Variants in SPOCK3 observed in about 807,000 individuals in gnomAD.
The protein encoded by SPOCK3 is SPARC (osteonectin), cwcv and kazal like domains proteoglycan 3, also known as testican-3.
In SPOCK3, 30 loss-of-function variants were observed where a neutral mutation model predicts 56.6. The ratio of observed to expected loss-of-function variants is 0.53; its 90% CI spans 0.40 to 0.72. SPOCK3 has a LOEUF of 0.72. Ranked by LOEUF, SPOCK3 falls within the 30% of genes least tolerant of loss-of-function variation. SPOCK3 has a pLI of 0.00. For missense variants in SPOCK3, 527 were observed against 530.0 expected (o/e 0.99, Z 0.06); for synonymous variants, 196 against 183.3 (o/e 1.07, Z -0.56).
At position 166,964,888 on chromosome 4, in the gene SPOCK3, A is replaced by T. The variant is rs554651303; in HGVS notation, c.350+35461T>A. ...ATATATATTAACTAAAAATAATTTG[A>T]ATGCTATTATTTTGTGACTCCATGC... On this transcript the variant is annotated intron_variant, in intron 4 of 10. Transcript: ENST00000357545. Among the ~76,000 whole-genome samples, 6 of 151,954 alleles carry T rather than the reference A, an allele frequency of 3.9e-5. No individual in the cohort carries two copies. In the East Asian group the frequency reaches 9.6e-4, roughly 24 times the overall value.
intron 2 of SPOCK3, among the ~76,000 whole-genome samples, chr4:167,063,118 A>G (rs1238871475): frequency 2.6e-5 from 4 of 151,890 alleles, no homozygotes; most frequent in African/African-American, 9.7e-5. Flanking sequence ...GAGGTTGAAA[A>G]GAATGCACAC....
upstream of SPOCK3, chr4:167,234,536 C>G (rs1737533657): frequency 3.8e-6 from 1 of 263,154 alleles, no homozygotes; most frequent in South Asian, 9.6e-5. Context: ...AGCTGCTGCA[C>G]GCGCCGCCGT....
chr4:167,212,529 C>T (rs967826984), intron 2 of SPOCK3, among the ~76,000 whole-genome samples: 12 of 152,214 alleles, frequency 7.9e-5, no homozygotes, highest in Admixed American at 7.2e-4. Flanking sequence ...GCGGGAGCCA[C>T]GGCGCCCAGC....
chr4:167,196,364 C>T (rs1732951567), intron 2 of SPOCK3, among the ~76,000 whole-genome samples: 1 of 152,130 alleles, frequency 6.6e-6, no homozygotes, highest in Non-Finnish European at 1.5e-5. Flanking sequence ...ACATTATCCA[C>T]AAATATAAGA....
chr4:166,886,613 T>C (rs1418292212), intron 6 of SPOCK3, among the ~76,000 whole-genome samples: 2 of 152,282 alleles, frequency 1.3e-5, no homozygotes, highest in East Asian at 3.9e-4. Context: ...TTTTAATGCA[T>C]TTCAAGTAGA....
intron 6 of SPOCK3, among the ~76,000 whole-genome samples, chr4:166,802,188 C>T (rs904054330): frequency 6.6e-6 from 1 of 150,998 alleles, no homozygotes; most frequent in Admixed American, 6.6e-5. Context: ...GTAAATGATG[C>T]TGAATGCTTG....
At chr4:167,015,504 A>C (rs998429190) in intron 3 of SPOCK3, among the ~76,000 whole-genome samples, 1 of 152,166 alleles carries the variant, frequency 6.6e-6, no homozygotes, top group Non-Finnish European at 1.5e-5. Flanking sequence ...CAGAAGATTG[A>C]TGTTGCTTAA....
intron 2 of SPOCK3, among the ~76,000 whole-genome samples, chr4:167,143,385 T>G (rs1580421751): frequency 2.0e-5 from 3 of 152,144 alleles, no homozygotes; most frequent in South Asian, 4.1e-4. Context: ...ATTTGTCACC[T>G]ATCTCCAAGT....
rs1765453047 is a variant in SPOCK3, at chr4:167,163,048, T to G, written c.189+70937A>C. Among the ~76,000 whole-genome samples the G allele has an allele frequency of 2.6e-5, 4 of 151,914 alleles. No homozygotes were observed. The South Asian group carries it at 8.3e-4, about 31-fold the overall frequency. Reference sequence around the variant, plus strand: ...ACACATATTTGATACTAAAACCTGTTTGAATTATATTAAAGTGTTATTTAA... The same window carrying G: ...ACACATATTTGATACTAAAACCTGTGTGAATTATATTAAAGTGTTATTTAA... On this transcript the variant is annotated intron_variant, in intron 2 of 10. Coordinates refer to ENST00000357545, the MANE Select transcript of SPOCK3 (RefSeq NM_001040159.2).
chr4:167,001,358 A>G (rs1468027628), intron 3 of SPOCK3, among the ~76,000 whole-genome samples: 2 of 152,170 alleles, frequency 1.3e-5, no homozygotes, highest in Non-Finnish European at 2.9e-5. Flanking sequence ...TATTCTGGAC[A>G]TTTTATATAA....
chr4:166,877,721 A>G (rs546486056), intron 6 of SPOCK3, among the ~76,000 whole-genome samples: 105 of 152,298 alleles, frequency 6.9e-4, no homozygotes, highest in African/African-American at 2.4e-3. Context: ...TGGGAAAAAT[A>G]TATTAAAATT....
At chr4:166,922,279 C>T (rs1738583672) in intron 4 of SPOCK3, among the ~76,000 whole-genome samples, 1 of 152,122 alleles carries the variant, frequency 6.6e-6, no homozygotes. Context: ...GGGATAGAAT[C>T]ATTACATTCA....
intron 2 of SPOCK3, among the ~76,000 whole-genome samples, chr4:167,202,913 T>G: frequency 6.6e-6 from 1 of 152,062 alleles, no homozygotes; most frequent in Middle Eastern, 3.4e-3. Context: ...TCTCTCCACT[T>G]AAGCATTCTT....
rs191010255 is a variant in SPOCK3 at position 167,091,839 on chromosome 4, A to C, written c.190-29302T>G. Among the ~76,000 whole-genome samples the C allele has an allele frequency of 2.0e-5, 3 of 152,254 alleles. No homozygotes were observed. In the East Asian group the frequency reaches 5.8e-4, roughly 29 times the overall value. ...TAATTTATAATCTATATTTTTGCCAAATAATATTCAAAATGAAATTATGTA... is the reference window on the plus strand; with the variant it reads ...TAATTTATAATCTATATTTTTGCCACATAATATTCAAAATGAAATTATGTA... On this transcript the variant is annotated intron_variant, in intron 2 of 10. Transcript: ENST00000357545.
chr4:166,933,591 C>T (rs553845428), intron 4 of SPOCK3, among the ~76,000 whole-genome samples: 110 of 152,216 alleles, frequency 7.2e-4, no homozygotes, highest in Non-Finnish European at 1.3e-3. Context: ...GGAGACAATT[C>T]ATGTGAATCT....
intron 5 of SPOCK3, among the ~76,000 whole-genome samples, chr4:166,910,282 T>C (rs1341222379): frequency 6.6e-6 from 1 of 152,148 alleles, no homozygotes; most frequent in Non-Finnish European, 1.5e-5. Context: ...AGCATGCTTT[T>C]TGTAATGTCT....
intron 6 of SPOCK3, among the ~76,000 whole-genome samples, chr4:166,872,278 A>G (rs1441957328): frequency 6.6e-6 from 1 of 152,128 alleles, no homozygotes; most frequent in Non-Finnish European, 1.5e-5. Context: ...AAATAAAATT[A>G]TCTTTATTCA....
At chr4:166,859,407 AT>A (rs1187626452) in intron 6 of SPOCK3, among the ~76,000 whole-genome samples, 2 of 152,182 alleles carry the variant, frequency 1.3e-5, no homozygotes, top group African/African-American at 4.8e-5. Flanking sequence ...TGTGGGAGCA[AT>A]TCTATTAAGT....
intron 2 of SPOCK3, among the ~76,000 whole-genome samples, chr4:167,214,043 C>T (rs1735132054): frequency 1.3e-5 from 2 of 152,034 alleles, no homozygotes; most frequent in African/African-American, 2.4e-5. Context: ...GATTTGATAC[C>T]AAATTACGTT....
Sources: allele counts gnomAD v4.1 joint callset (sites outside exome capture counted in the v4.1 genomes callset), GRCh38; gene constraint gnomAD v4.1.1; transcripts MANE v1.5; gene names NCBI Gene and HGNC (gene_info 2026-07-23, HGNC 2026-07-21).